The following SGK1 variants were observed in gnomAD, a reference collection of about 807,000 sequenced individuals.
The protein encoded by SGK1 is serum/glucocorticoid regulated kinase 1, also known as serine/threonine-protein kinase Sgk1.
Under a neutral mutation model 64.2 loss-of-function variants are expected in SGK1, and 26 were observed. That is an observed-to-expected ratio of 0.40 (90% CI 0.30 to 0.56). The LOEUF (loss-of-function observed/expected upper bound fraction) is 0.56. Among genes scored for constraint, SGK1 ranks in the 20% least tolerant of loss-of-function variants. SGK1 has a pLI of 0.38. For synonymous variants in SGK1, 265 were observed against 239.7 expected (o/e 1.11, Z -0.98); for missense variants, 519 against 645.6 (o/e 0.80, Z 2.12).
chr6:134,172,430 G>A, intron 9 of SGK1, 114 bp from the exon 10 acceptor site: 2 of 1,060,558 alleles, frequency 1.9e-6, no homozygotes, highest in Non-Finnish European at 2.8e-6. Context: ...CTGTAGTTGT[G>A]TAGTGAAGAA....
intron 1 of SGK1, among the ~76,000 whole-genome samples, chr6:134,288,336 TA>T (rs1383794207): frequency 6.6e-6 from 1 of 152,112 alleles, no homozygotes; most frequent in African/African-American, 2.4e-5. Flanking sequence ...GAGGTTGCAA[TA>T]AACACAGAGA....
At chr6:134,259,953 A>G (rs1776739239) in intron 2 of SGK1, 1 of 152,226 alleles carries the variant, frequency 6.6e-6, no homozygotes, top group African/African-American at 2.4e-5. Context: ...CTTAGCTAAT[A>G]TGTAAATCAG....
At chr6:134,258,816 TA>T (rs1776722060) in intron 2 of SGK1, among the ~76,000 whole-genome samples, 2 of 151,862 alleles carry the variant, frequency 1.3e-5, no homozygotes, top group East Asian at 3.9e-4. Flanking sequence ...CCACAAAAAA[TA>T]AAATAAAATA....
chr6:134,317,136 C>T (rs1304915562), intron 1 of SGK1, among the ~76,000 whole-genome samples: 1 of 152,014 alleles, frequency 6.6e-6, no homozygotes, highest in Non-Finnish European at 1.5e-5. Flanking sequence ...GAGAAAAATC[C>T]CCATTCCCAG....
intron 3 of SGK1, among the ~76,000 whole-genome samples, chr6:134,177,269 C>T (rs1025182641): frequency 1.3e-5 from 2 of 152,122 alleles, no homozygotes; most frequent in Non-Finnish European, 2.9e-5. Flanking sequence ...AACACTAGTA[C>T]CTGAAATTGA....
At chr6:134,291,702 T>G (rs1259361781) in intron 1 of SGK1, among the ~76,000 whole-genome samples, 1 of 152,234 alleles carries the variant, frequency 6.6e-6, no homozygotes, top group African/African-American at 2.4e-5. Context: ...GGAACACTTA[T>G]TCTATTTTAT....
chr6:134,188,989 TC>T (rs1363904101), intron 3 of SGK1, among the ~76,000 whole-genome samples: 1 of 143,388 alleles, frequency 7.0e-6, no homozygotes, highest in Non-Finnish European at 1.5e-5. Context: ...CAAGTGATCC[TC>T]CCACCTTGGT....
chr6:134,214,109 C>T (rs1054801115), intron 2 of SGK1, among the ~76,000 whole-genome samples: 3 of 150,014 alleles, frequency 2.0e-5, no homozygotes, highest in Admixed American at 6.7e-5. Flanking sequence ...TTTGTAGAGA[C>T]GGGGTCTCAC....
intron 3 of SGK1, among the ~76,000 whole-genome samples, chr6:134,206,624 T>C (rs1252803007): frequency 2.0e-5 from 3 of 151,340 alleles, no homozygotes; most frequent in Non-Finnish European, 4.4e-5. Context: ...CCTAGCACTT[T>C]GGGAAGCCGA....
In SGK1 at chr6:134,317,532, C is replaced by A. The variant is rs1282479521; in HGVS notation, c.-72G>T. ...CCTGGTTAGTGCATATCTGTTTCCC[C>A]GGTTTACCTCCTGCAGACAGTTAAT... On this transcript the variant is annotated 5_prime_UTR_variant, in exon 1 of 14. Coordinates refer to ENST00000367858, the MANE Select transcript of SGK1 (RefSeq NM_001143676.3). 1.0e-5 allele frequency: 9 copies of A among 893,504 alleles called. No homozygotes were observed. Among genetic ancestry groups the A allele is most frequent in the Non-Finnish European group, 1.7e-5 (9 of 522,544 alleles). 55.3% of individuals were successfully genotyped at this position (893,504 alleles called of 1,614,324 possible).
chr6:134,177,979 G>T, intron 3 of SGK1: 1 of 687,970 alleles, frequency 1.5e-6, no homozygotes, highest in Non-Finnish European at 2.4e-6. Flanking sequence ...AGTCATCAGT[G>T]TCCTAGCTTT....
intron 2 of SGK1, among the ~76,000 whole-genome samples, chr6:134,233,843 C>T (rs72972290): frequency 0.021 from 3,039 of 147,528 alleles, 53 homozygotes; most frequent in South Asian, 0.054. Flanking sequence ...GCTGGAAAAA[C>T]ACAGAACTGG....
intron 1 of SGK1, among the ~76,000 whole-genome samples, chr6:134,275,109 A>G (rs1324124658): frequency 6.6e-6 from 1 of 151,854 alleles, no homozygotes; most frequent in Non-Finnish European, 1.5e-5. Context: ...GCGCCTGGCC[A>G]TCTTTTTTTA....
intron 1 of SGK1, among the ~76,000 whole-genome samples, chr6:134,284,336 C>T (rs530866324): frequency 4.6e-5 from 7 of 152,210 alleles, no homozygotes; most frequent in Admixed American, 3.3e-4. Flanking sequence ...AAGCCATCTG[C>T]CCACCTCCTT....
chr6:134,176,309 T>TC, intron 3 of SGK1, among the ~76,000 whole-genome samples: 1 of 152,348 alleles, frequency 6.6e-6, no homozygotes, highest in Non-Finnish European at 1.5e-5. Flanking sequence ...CCTCGCTCGC[T>TC]CTTTATGTGA....
intron 1 of SGK1, among the ~76,000 whole-genome samples, chr6:134,299,907 C>T (rs759892793): frequency 1.3e-5 from 2 of 149,542 alleles, no homozygotes; most frequent in African/African-American, 2.5e-5. Context: ...TACCTCAATT[C>T]TTCACAAAAT....
intron 1 of SGK1, among the ~76,000 whole-genome samples, chr6:134,265,808 T>C (rs1242296425): frequency 6.6e-6 from 1 of 150,832 alleles, no homozygotes. Flanking sequence ...TATATATATA[T>C]ACATTTCTTT....
chr6:134,211,877 G>GA (rs573091377), intron 2 of SGK1, among the ~76,000 whole-genome samples: 9,066 of 81,406 alleles, frequency 0.11, 453 homozygotes, highest in South Asian at 0.21. Flanking sequence ...CGTCTACAAG[G>GA]AAAAAAAAAA....
intron 3 of SGK1, among the ~76,000 whole-genome samples, chr6:134,179,282 T>A (rs1775296284): frequency 6.6e-6 from 1 of 152,178 alleles, no homozygotes; most frequent in South Asian, 2.1e-4. Context: ...CAAAGTACCA[T>A]CAATTTTAGA....
Sources: gnomAD v4.1 joint callset for allele counts (sites outside exome capture counted in the v4.1 genomes callset) on GRCh38, gnomAD v4.1.1 for gene constraint, MANE v1.5 for transcripts, NCBI Gene and HGNC (gene_info 2026-07-23, HGNC 2026-07-21) for gene names.